SPEF2: variants seen among roughly 807,000 people sequenced by gnomAD.
SPEF2 encodes the protein sperm flagella and cilia-associated protein 2.
A neutral mutation model predicts 224.6 loss-of-function variants in SPEF2; 187 were observed. That is an observed-to-expected ratio of 0.83 (90% CI 0.74 to 0.94). The LOEUF is 0.94. SPEF2 is among the 40% of genes least tolerant of loss of function. The pLI is 0.00. For synonymous variants in SPEF2, 715 were observed against 707.3 expected (o/e 1.01, Z -0.17); for missense variants, 2,170 against 2,135.6 (o/e 1.02, Z -0.32).
intron 10 of SPEF2, among the ~76,000 whole-genome samples, chr5:35,687,980 G>A (rs1280808374): frequency 1.3e-5 from 2 of 152,128 alleles, no homozygotes; most frequent in Admixed American, 1.3e-4. Flanking sequence ...GCAAAAAAAT[G>A]GACTCTTGTT....
intron 20 of SPEF2, among the ~76,000 whole-genome samples, chr5:35,716,746 A>G (rs1231635858): frequency 6.6e-6 from 1 of 152,190 alleles, no homozygotes; most frequent in African/African-American, 2.4e-5. Context: ...TTTATTTCTT[A>G]ATATTTCAAA....
chr5:35,774,712 G>A lies in SPEF2; in HGVS notation c.4078+691G>A, dbSNP rs551926101. On this transcript the variant is annotated intron_variant, in intron 28 of 36. Coordinates refer to ENST00000356031, the MANE Select transcript of SPEF2 (RefSeq NM_024867.4). ...AAGATGACAAAACCACAAAAATGTGGCATGGGGTATGCCGAGACACCTTTA... is the reference window on the plus strand; with the variant it reads ...AAGATGACAAAACCACAAAAATGTGACATGGGGTATGCCGAGACACCTTTA... Among the ~76,000 whole-genome samples, 15 of 152,252 alleles carry A rather than the reference G, an allele frequency of 9.9e-5. No individual in the cohort carries two copies. In the South Asian group the frequency reaches 2.7e-3, roughly 27 times the overall value.
At chr5:35,741,282 G>GA (rs1228170069) in intron 23 of SPEF2, among the ~76,000 whole-genome samples, 2 of 152,228 alleles carry the variant, frequency 1.3e-5, no homozygotes, top group Non-Finnish European at 2.9e-5. Flanking sequence ...AGTGGCTGTG[G>GA]AAAATCTCAC....
Position 35,623,400 on chromosome 5 carries a change from C to A in SPEF2, c.59-5060C>A, listed in dbSNP as rs73747487. Reference sequence around the variant, plus strand: ...TAGTGCAGGCTCGATCTTTCCTACTCGAGTAAAGGAGAAGTAAATGCCACT... The same window carrying A: ...TAGTGCAGGCTCGATCTTTCCTACTAGAGTAAAGGAGAAGTAAATGCCACT... On this transcript the variant is annotated intron_variant, in intron 1 of 36. Transcript: ENST00000356031. 9.4e-3 allele frequency among the ~76,000 whole-genome samples: 1,436 copies of A among 152,156 alleles called. 27 individuals are homozygous for A. The highest frequency in any genetic ancestry group is 0.033 in the African/African-American group (1,387 of 41,502).
chr5:35,811,546 G>A (rs1758530586), intron 36 of SPEF2, among the ~76,000 whole-genome samples: 1 of 151,906 alleles, frequency 6.6e-6, no homozygotes, highest in Admixed American at 6.6e-5. Context: ...GTGGCCTTCG[G>A]CAAGTGACCT....
intron 10 of SPEF2, among the ~76,000 whole-genome samples, chr5:35,679,656 T>C (rs10805607): frequency 0.78 from 117,941 of 152,146 alleles, 46,542 homozygotes; most frequent in African/African-American, 0.92. Context: ...CAGCTTCTGC[T>C]GTAGAGCAGA....
chr5:35,753,187 T>A (rs960836009), intron 23 of SPEF2, among the ~76,000 whole-genome samples: 1 of 152,104 alleles, frequency 6.6e-6, no homozygotes, highest in African/African-American at 2.4e-5. Context: ...GTGAACAATA[T>A]GTTCCACCTG....
intron 23 of SPEF2, among the ~76,000 whole-genome samples, chr5:35,740,711 A>G (rs1479475664): frequency 6.6e-6 from 1 of 152,166 alleles, no homozygotes; most frequent in Non-Finnish European, 1.5e-5. Context: ...ACTAAATACT[A>G]CACATCTTTG....
At chr5:35,693,759 T>G (rs1052059921) in intron 12 of SPEF2, among the ~76,000 whole-genome samples, 1 of 152,202 alleles carries the variant, frequency 6.6e-6, no homozygotes, top group African/African-American at 2.4e-5. Flanking sequence ...CTGATCCAGA[T>G]CATTTGCATA....
chr5:35,622,781 T>C (rs1201573274), intron 1 of SPEF2, among the ~76,000 whole-genome samples: 3 of 152,238 alleles, frequency 2.0e-5, no homozygotes, highest in Non-Finnish European at 4.4e-5. Context: ...ATAGCAAGTC[T>C]AGTAGCAGAA....
At chr5:35,762,803 T>A (rs1202304562) in intron 25 of SPEF2, among the ~76,000 whole-genome samples, 1 of 152,144 alleles carries the variant, frequency 6.6e-6, no homozygotes, top group Non-Finnish European at 1.5e-5. Context: ...CCTTCTGGGA[T>A]AAGATATTCC....
In SPEF2 at chr5:35,807,521, G is replaced by A. The variant is rs183175074; in HGVS notation, c.5379+268G>A. 2.0e-4 allele frequency: 207 copies of A among 1,010,076 alleles called. 1 individual carries two copies. In the African/African-American group the frequency reaches 3.1e-3, roughly 15 times the overall value. The allele number at this position is 1,010,076 out of a possible 1,614,324, so 62.6% of individuals were successfully genotyped here. A position where few individuals can be genotyped will look rare whatever the true frequency, so the allele number is the denominator to read the frequency against. ...AGGATTGTCATTGTAGCCATGTAAT[G>A]ACCCTAGCCTGTGATTGAAGGGTTT... is the stretch of plus-strand genomic sequence containing the variant. On this transcript the variant is annotated intron_variant, in intron 36 of 36. Coordinates refer to ENST00000356031, the MANE Select transcript of SPEF2 (RefSeq NM_024867.4).
chr5:35,721,879 C>G (rs78883604), intron 20 of SPEF2, among the ~76,000 whole-genome samples: 2 of 152,102 alleles, frequency 1.3e-5, no homozygotes, highest in Non-Finnish European at 2.9e-5. Flanking sequence ...AGTGGTTATG[C>G]CCCTAGGATG....
At chr5:35,752,265 C>T (rs1749781295) in intron 23 of SPEF2, among the ~76,000 whole-genome samples, 1 of 151,956 alleles carries the variant, frequency 6.6e-6, no homozygotes, top group South Asian at 2.1e-4. Flanking sequence ...ACATGATGCT[C>T]AACACATAAT....
intron 30 of SPEF2, among the ~76,000 whole-genome samples, chr5:35,787,429 T>C (rs1221802925): frequency 6.6e-6 from 1 of 152,164 alleles, no homozygotes; most frequent in Non-Finnish European, 1.5e-5. Flanking sequence ...CTAAAAGCCA[T>C]GTCACTCTTA....
At chr5:35,634,053 G>A (rs539249941) in intron 2 of SPEF2, among the ~76,000 whole-genome samples, 9 of 151,974 alleles carry the variant, frequency 5.9e-5, no homozygotes, top group Non-Finnish European at 1.2e-4. Context: ...AAATAGTTAC[G>A]AACAAAAATA....
intron 21 of SPEF2, among the ~76,000 whole-genome samples, chr5:35,738,292 C>T (rs866758957): frequency 4.1e-4 from 62 of 151,936 alleles, no homozygotes; most frequent in Admixed American, 1.6e-3. Flanking sequence ...CTTGCCCATG[C>T]CTGTGTCCTG....
rs528321909 is a variant in SPEF2 at position 35,705,508 on chromosome 5, A to G, written c.2508-143A>G. On this transcript the variant is annotated intron_variant, in intron 17 of 36. Coordinates refer to ENST00000356031, the MANE Select transcript of SPEF2 (RefSeq NM_024867.4). ...CATTAAGTAATTTCTTCTTTAATCT[A>G]AAATAAATAACATTGTTTCTTTTTC... 10 of 571,328 alleles carry G rather than the reference A, an allele frequency of 1.8e-5. No homozygotes were observed. In the East Asian group the frequency reaches 3.7e-4, roughly 21 times the overall value. 35.4% of individuals were successfully genotyped at this position (571,328 alleles called of 1,614,324 possible).
chr5:35,800,227 A>G (rs1271086210), intron 34 of SPEF2, 80 bp downstream of exon 34: 2 of 1,445,590 alleles, frequency 1.4e-6, no homozygotes, highest in South Asian at 1.3e-5. Context: ...CAAGGACTCT[A>G]TTATTTTCAT....
Sources: allele counts gnomAD v4.1 joint callset (sites outside exome capture counted in the v4.1 genomes callset), GRCh38; gene constraint gnomAD v4.1.1; transcripts MANE v1.5; gene names NCBI Gene and HGNC (gene_info 2026-07-23, HGNC 2026-07-21).